Variants in PPM1H observed in about 807,000 individuals in gnomAD.
PPM1H encodes protein phosphatase 1H.
Under a neutral mutation model 54.9 loss-of-function variants are expected in PPM1H, and 27 were observed. That is an observed-to-expected ratio of 0.49 (90% CI 0.36 to 0.68). The LOEUF is 0.68. Among genes scored for constraint, PPM1H ranks in the 30% least tolerant of loss-of-function variants. The pLI, the probability that PPM1H is intolerant of heterozygous loss-of-function variation, is 0.00. For synonymous variants in PPM1H, 305 were observed against 270.8 expected, an observed-to-expected ratio of 1.13 and a Z score of -1.24; for missense variants, 596 against 667.8, an observed-to-expected ratio of 0.89 and a Z score of 1.19.
At chr12:62,832,073 ATTC>A (rs762210394) in intron 2 of PPM1H, 38 bp downstream of exon 2, 18 of 1,600,934 alleles carry the variant, frequency 1.1e-5, no homozygotes, top group Non-Finnish European at 1.5e-5. Context: ...AGTGTGTGCC[ATTC>A]TTCTCACCTG....
intron 2 of PPM1H, among the ~76,000 whole-genome samples, chr12:62,823,132 C>T (rs1350346914): frequency 1.3e-5 from 2 of 152,140 alleles, no homozygotes; most frequent in Non-Finnish European, 2.9e-5. Context: ...CACAAATAAA[C>T]TAGAAAATAT....
chr12:62,734,171 G>A (rs549946978), intron 5 of PPM1H, among the ~76,000 whole-genome samples: 60 of 150,526 alleles, frequency 4.0e-4, no homozygotes, highest in Non-Finnish European at 6.9e-4. Flanking sequence ...AAAAAAAGAC[G>A]GCTGCCTACA....
At chr12:62,888,352 C>A (rs969661982) in intron 1 of PPM1H, among the ~76,000 whole-genome samples, 1 of 152,110 alleles carries the variant, frequency 6.6e-6, no homozygotes, top group African/African-American at 2.4e-5. Flanking sequence ...GTAGTTGTTT[C>A]AGTCAAGGGT....
intron 8 of PPM1H, among the ~76,000 whole-genome samples, chr12:62,668,931 A>G (rs1004675339): frequency 6.6e-5 from 10 of 152,202 alleles, no homozygotes; most frequent in African/African-American, 1.4e-4. Context: ...ACACAACAAA[A>G]TGTTTACCCA....
chr12:62,905,877 C>A (rs545663570), intron 1 of PPM1H, among the ~76,000 whole-genome samples: 2 of 152,170 alleles, frequency 1.3e-5, no homozygotes, highest in East Asian at 1.9e-4. Context: ...TATGATGATG[C>A]AAAGAACCAG....
intron 1 of PPM1H, among the ~76,000 whole-genome samples, chr12:62,889,263 A>T (rs1233811722): frequency 6.6e-6 from 1 of 152,198 alleles, no homozygotes; most frequent in East Asian, 1.9e-4. Flanking sequence ...GATACTGACA[A>T]ACTGATCCTA....
chr12:62,702,646 G>A (rs2076150955), intron 6 of PPM1H, among the ~76,000 whole-genome samples: 2 of 151,980 alleles, frequency 1.3e-5, no homozygotes, highest in African/African-American at 4.8e-5. Context: ...TAAGAGGAAC[G>A]AGAGGAACGT....
intron 3 of PPM1H, among the ~76,000 whole-genome samples, chr12:62,789,661 A>G (rs1467876634): frequency 6.6e-6 from 1 of 152,210 alleles, no homozygotes; most frequent in East Asian, 1.9e-4. Context: ...TATCGTCCTC[A>G]AGACCATCAC....
At chr12:62,663,769 A>G (rs2075899903) in intron 9 of PPM1H, among the ~76,000 whole-genome samples, 1 of 152,178 alleles carries the variant, frequency 6.6e-6, no homozygotes, top group Non-Finnish European at 1.5e-5. Context: ...AGGTGGGCGC[A>G]TCACCTGAGG....
intron 4 of PPM1H, among the ~76,000 whole-genome samples, chr12:62,769,762 AAAAAACATG>A (rs1378230688): frequency 6.6e-6 from 1 of 152,154 alleles, no homozygotes; most frequent in Non-Finnish European, 1.5e-5. Flanking sequence ...GCCTGGGAGA[AAAAAACATG>A]GAATCACAGA....
At chr12:62,718,998 A>G (rs921837327) in intron 6 of PPM1H, among the ~76,000 whole-genome samples, 1 of 152,250 alleles carries the variant, frequency 6.6e-6, no homozygotes, top group African/African-American at 2.4e-5. Context: ...AAATGGGTGT[A>G]GCTATATTTT....
chr12:62,726,491 C>G (rs749007143), intron 5 of PPM1H, among the ~76,000 whole-genome samples: 7 of 151,358 alleles, frequency 4.6e-5, no homozygotes, highest in Non-Finnish European at 1.0e-4. Flanking sequence ...TTTTTGAGAA[C>G]CCAGTGTTTA....
At chr12:62,913,000 G>C (rs1381897732) in intron 1 of PPM1H, among the ~76,000 whole-genome samples, 1 of 152,118 alleles carries the variant, frequency 6.6e-6, no homozygotes, top group Non-Finnish European at 1.5e-5. Flanking sequence ...ATAAATGCAG[G>C]CTCATGCAAA....
At chr12:62,863,910 G>C (rs750569460) in intron 1 of PPM1H, among the ~76,000 whole-genome samples, 2 of 152,238 alleles carry the variant, frequency 1.3e-5, no homozygotes, top group South Asian at 4.1e-4. Flanking sequence ...GATAAAAACT[G>C]GCAAAGCAAT....
chr12:62,796,135 C>T (rs117054740), intron 3 of PPM1H, among the ~76,000 whole-genome samples: 1 of 152,284 alleles, frequency 6.6e-6, no homozygotes, highest in East Asian at 1.9e-4. Context: ...TTAGTGAAAA[C>T]AACACAAACT....
chr12:62,870,913 C>A (rs1869952741), intron 1 of PPM1H, among the ~76,000 whole-genome samples: 1 of 152,166 alleles, frequency 6.6e-6, no homozygotes, highest in Non-Finnish European at 1.5e-5. Flanking sequence ...GATACAATAA[C>A]AAGTGTTGCT....
intron 2 of PPM1H, among the ~76,000 whole-genome samples, chr12:62,813,781 A>T (rs1331438892): frequency 2.6e-5 from 4 of 152,176 alleles, no homozygotes; most frequent in Non-Finnish European, 5.9e-5. Context: ...GTTAATGATG[A>T]ATTTTGCCTT....
chr12:62,854,180 G>T (rs572826338), intron 1 of PPM1H, among the ~76,000 whole-genome samples: 2 of 152,294 alleles, frequency 1.3e-5, no homozygotes, highest in Admixed American at 6.5e-5. Flanking sequence ...AAGCTGAGCA[G>T]CACATTTACT....
intron 4 of PPM1H, among the ~76,000 whole-genome samples, chr12:62,758,537 CTGTT>C (rs1473597895): frequency 2.6e-5 from 4 of 152,154 alleles, no homozygotes; most frequent in African/African-American, 9.7e-5. Flanking sequence ...GACTGAATCA[CTGTT>C]TGTTTTATCT....
Sources: allele counts gnomAD v4.1 joint callset (sites outside exome capture counted in the v4.1 genomes callset), GRCh38; gene constraint gnomAD v4.1.1; transcripts MANE v1.5; gene names NCBI Gene and HGNC (gene_info 2026-07-23, HGNC 2026-07-21).